The following MC1R variants were observed in gnomAD, a reference collection of about 807,000 sequenced individuals.
MC1R encodes the protein melanocyte-stimulating hormone receptor.
For missense variants in MC1R, 542 were observed against 430.0 expected, an observed-to-expected ratio of 1.26 and a Z score of -2.30; for synonymous variants, 263 against 203.8, an observed-to-expected ratio of 1.29 and a Z score of -2.47.
chr16:89,919,483 C>T lies in MC1R; in HGVS notation c.225C>T (p.Cys75=), dbSNP rs1437128850. 6.2e-7 allele frequency: 1 copy of T among 1,613,296 alleles called. No individual in the cohort carries two copies. Among genetic ancestry groups the T allele is most frequent in the Non-Finnish European group, 8.5e-7 (1 of 1,179,836 alleles). ...KNRNLHSPMY[C]FICCLALSDL... ...GGAACCTGCACTCACCCATGTACTG[C>T]TTCATCTGCTGCCTGGCCTTGTCGG... is the stretch of plus-strand genomic sequence containing the variant. The change falls in exon 1 of 1, where the codon TGC becomes TGT. Residue 75 remains cysteine, a synonymous_variant. Transcript: ENST00000555147.
rs1220956563 is a variant in MC1R, at chr16:89,918,937, A to C, written c.-322A>C. ...AGGCCAGGACGGTCCAGAGGTGTCG[A>C]AATGTCCTGGGGACCTGAGCAGCAG... is the stretch of plus-strand genomic sequence containing the variant. On this transcript the variant is annotated 5_prime_UTR_variant, in exon 1 of 1. Coordinates refer to ENST00000555147, the MANE Select transcript of MC1R (RefSeq NM_002386.4). 1 of 418,292 alleles carries C rather than the reference A, an allele frequency of 2.4e-6. No individual in the cohort carries two copies. Among genetic ancestry groups the C allele is most frequent in the East Asian group, 3.9e-5 (1 of 25,954 alleles). 25.9% of individuals were successfully genotyped at this position (418,292 alleles called of 1,614,324 possible).
rs1388511343 is a variant in MC1R, at chr16:89,920,726, C to G, written c.*514C>G. ...TTCATCCACAGCCTTGCAGCGGCTC[C>G]TGCAAAAGGAGGTGAAATCCCTGCC... On this transcript the variant is annotated 3_prime_UTR_variant, in exon 1 of 1. Transcript: ENST00000555147. 2.8e-6 allele frequency: 2 copies of G among 716,388 alleles called. No individual in the cohort carries two copies. Among genetic ancestry groups the G allele is most frequent in the Admixed American group, 4.0e-5 (2 of 49,782 alleles). The allele number at this position is 716,388 out of a possible 1,614,324, so 44.4% of individuals were successfully genotyped here. A position where few individuals can be genotyped will look rare whatever the true frequency, so the allele number is the denominator to read the frequency against.
In MC1R at chr16:89,918,952, C is replaced by G. The variant is rs2045684240; in HGVS notation, c.-307C>G. On this transcript the variant is annotated 5_prime_UTR_variant, in exon 1 of 1. Coordinates refer to ENST00000555147, the MANE Select transcript of MC1R (RefSeq NM_002386.4). The stretch of plus-strand genomic sequence containing the variant: ...AGAGGTGTCGAAATGTCCTGGGGAC[C>G]TGAGCAGCAGCCACCAGGGAAGAGG... 1 of 452,008 alleles carries G rather than the reference C, an allele frequency of 2.2e-6. No homozygotes were observed. Among genetic ancestry groups the G allele is most frequent in the Non-Finnish European group, 4.0e-6 (1 of 249,302 alleles). The allele number at this position is 452,008 out of a possible 1,614,324, so 28.0% of individuals were successfully genotyped here.
In MC1R at chr16:89,919,683, G is replaced by A. The variant is rs11547464; in HGVS notation, c.425G>A (p.Arg142His). 6.3e-3 allele frequency: 10,101 copies of A among 1,606,080 alleles called. 48 individuals are homozygous for A. Among genetic ancestry groups the A allele is most frequent in the Middle Eastern group, 0.013 (79 of 6,060 alleles). ...TTCCTGGGCGCCATCGCCGTGGACC[G>A]CTACATCTCCATCTTCTACGCACTG... ...LCFLGAIAVD[R>H]YISIFYALRY... is the part of the protein sequence containing the mutation. Residue 142 changes from arginine (R) to histidine (H), a missense_variant, in exon 1 of 1, where the codon CGC becomes CAC. By Grantham distance (29) the Arg-to-His change is conservative. Coordinates refer to ENST00000555147, the MANE Select transcript of MC1R (RefSeq NM_002386.4).
In MC1R at chr16:89,919,778, G is replaced by C. The variant is rs762183931; in HGVS notation, c.520G>C (p.Val174Leu). Reference sequence around the variant, plus strand: ...TGCGGCCATCTGGGTGGCCAGTGTCGTCTTCAGCACGCTCTTCATCGCCTA... The same window carrying C: ...TGCGGCCATCTGGGTGGCCAGTGTCCTCTTCAGCACGCTCTTCATCGCCTA... ...AVAAIWVASV[V>L]FSTLFIAYYD... Residue 174 changes from valine to leucine, a missense_variant, in exon 1 of 1, where the codon GTC becomes CTC. Coordinates refer to ENST00000555147, the MANE Select transcript of MC1R (RefSeq NM_002386.4). 3 of 1,608,486 alleles carry C rather than the reference G, an allele frequency of 1.9e-6. No homozygotes were observed. The South Asian group carries it at 3.3e-5, about 18-fold the overall frequency.
Position 89,920,405 on chromosome 16 carries a change from A to G in MC1R, c.*193A>G, listed in dbSNP as rs2045709951. 1.6e-6 allele frequency: 1 copy of G among 625,678 alleles called. No individual in the cohort carries two copies. The highest frequency in any genetic ancestry group is 2.9e-6 in the Non-Finnish European group (1 of 346,672). The allele number at this position is 625,678 out of a possible 1,614,324, so 38.8% of individuals were successfully genotyped here. ...CAGGGAGGGGTCCCTGCAAAACTCC[A>G]GGCAGGACTTCTCACCAGCAGTCGT... On this transcript the variant is annotated 3_prime_UTR_variant, in exon 1 of 1. Transcript: ENST00000555147.
chr16:89,919,250 G>A lies in MC1R; in HGVS notation c.-9G>A, dbSNP rs2045688077. ...TCCAACGACTCCTTCCTGCTTCCTG[G>A]ACAGGACTATGGCTGTGCAGGGATC... On this transcript the variant is annotated 5_prime_UTR_variant, in exon 1 of 1. Coordinates refer to ENST00000555147, the MANE Select transcript of MC1R (RefSeq NM_002386.4). The A allele has an allele frequency of 6.5e-7, 1 of 1,534,688 alleles. No homozygotes were observed. Among genetic ancestry groups the A allele is most frequent in the Non-Finnish European group, 8.8e-7 (1 of 1,134,970 alleles).
At position 89,919,437 on chromosome 16, in the gene MC1R, TG is replaced by T; in HGVS notation, c.181del (p.Ala61ProfsTer27). On this transcript the variant is annotated frameshift_variant, in exon 1 of 1. Coordinates refer to ENST00000555147, the MANE Select transcript of MC1R (RefSeq NM_002386.4). LOFTEE classifies it low-confidence loss of function (END_TRUNC). ...AGCTTGGTGGAGAACGCGCTGGTGG[TG>T]GCCACCATCGCCAAGAACCGGAACC... ...LVSLVENALV[V>X]ATIAKNRNLH... 1 of 1,613,246 alleles carries T rather than the reference TG, an allele frequency of 6.2e-7. No homozygotes were observed. Among genetic ancestry groups the T allele is most frequent in the Non-Finnish European group, 8.5e-7 (1 of 1,179,872 alleles).
chr16:89,919,149 A>C lies in MC1R; in HGVS notation c.-110A>C, dbSNP rs577907985. 539 of 736,680 alleles carry C rather than the reference A, an allele frequency of 7.3e-4. No individual in the cohort carries two copies. The highest frequency in any genetic ancestry group is 1.1e-3 in the Non-Finnish European group (492 of 451,792). The allele number at this position is 736,680 out of a possible 1,614,324, so 45.6% of individuals were successfully genotyped here. A position where few individuals can be genotyped will look rare whatever the true frequency, so the allele number is the denominator to read the frequency against. On this transcript the variant is annotated 5_prime_UTR_variant, in exon 1 of 1. Coordinates refer to ENST00000555147, the MANE Select transcript of MC1R (RefSeq NM_002386.4). ...AGATGGAAGGAGGCAGGCATGGGGG[A>C]CACCCAAGGCCCCCTGGCAGCACCA...
Position 89,919,115 on chromosome 16 carries a change from G to C in MC1R, c.-144G>C, listed in dbSNP as rs1382523483. The stretch of plus-strand genomic sequence containing the variant: ...GGGAGAGGGTGTGAGGGCAGATCTG[G>C]GGGTGCCCAGATGGAAGGAGGCAGG... On this transcript the variant is annotated 5_prime_UTR_variant, in exon 1 of 1. Transcript: ENST00000555147. 1.6e-6 allele frequency: 1 copy of C among 631,118 alleles called. No homozygotes were observed. Among genetic ancestry groups the C allele is most frequent in the African/African-American group, 1.8e-5 (1 of 54,270 alleles). 39.1% of individuals were successfully genotyped at this position (631,118 alleles called of 1,614,324 possible).
chr16:89,919,554 T>C lies in MC1R; in HGVS notation c.296T>C (p.Leu99Pro), dbSNP rs192276807. 2 of 1,612,376 alleles carry C rather than the reference T, an allele frequency of 1.2e-6. No individual in the cohort carries two copies. The highest frequency in any genetic ancestry group is 3.3e-5 in the Admixed American group (2 of 60,018). Residue 99 changes from leucine (L) to proline (P), a missense_variant, in exon 1 of 1, where the codon CTC becomes CCC. Coordinates refer to ENST00000555147, the MANE Select transcript of MC1R (RefSeq NM_002386.4). ...AACGTGCTGGAGACGGCCGTCATCC[T>C]CCTGCTGGAGGCCGGTGCACTGGTG... Reference protein sequence around the residue: ...GSNVLETAVILLLEAGALVAR... With the variant: ...GSNVLETAVIPLLEAGALVAR...
In MC1R at chr16:89,919,938, G is replaced by A. The variant is rs766152881; in HGVS notation, c.680G>A (p.Arg227Lys). Residue 227 changes from arginine to lysine, a missense_variant, in exon 1 of 1, where the codon AGG becomes AAG. Transcript: ENST00000555147. ...HAQGIARLHK[R>K]QRPVHQGFGL... ...CAGGGCATCGCCCGGCTCCACAAGA[G>A]GCAGCGCCCGGTCCACCAGGGCTTT... 1 of 1,611,084 alleles carries A rather than the reference G, an allele frequency of 6.2e-7. No homozygotes were observed. The highest frequency in any genetic ancestry group is 1.1e-5 in the South Asian group (1 of 91,084).
At position 89,920,547 on chromosome 16, in the gene MC1R, C is replaced by T. The variant is rs2045712058; in HGVS notation, c.*335C>T. The stretch of plus-strand genomic sequence containing the variant: ...CACTCCTGGGACACTCCGTCTGCTC[C>T]AATGACTGAGCAGCATCCACCCCAC... On this transcript the variant is annotated 3_prime_UTR_variant, in exon 1 of 1. Coordinates refer to ENST00000555147, the MANE Select transcript of MC1R (RefSeq NM_002386.4). 1.6e-6 allele frequency: 1 copy of T among 637,696 alleles called. No individual in the cohort carries two copies. The highest frequency in any genetic ancestry group is 2.9e-6 in the Non-Finnish European group (1 of 348,436). 39.5% of individuals were successfully genotyped at this position (637,696 alleles called of 1,614,324 possible).
chr16:89,919,311 C>G lies in MC1R; in HGVS notation c.53C>G (p.Pro18Arg). Residue 18 changes from proline (P) to arginine (R), a missense_variant, in exon 1 of 1, where the codon CCC becomes CGC. Pro to Arg is a moderately radical substitution (Grantham distance 103). Transcript: ENST00000555147. The stretch of plus-strand genomic sequence containing the variant: ...CTTCTGGGCTCCCTCAACTCCACCC[C>G]CACAGCCATCCCCCAGCTGGGGCTG... ...RRLLGSLNST[P>R]TAIPQLGLAA... The G allele has an allele frequency of 1.2e-6, 2 of 1,610,758 alleles. No homozygotes were observed. Among genetic ancestry groups the G allele is most frequent in the Non-Finnish European group, 1.7e-6 (2 of 1,178,802 alleles).
chr16:89,919,334 C>A lies in MC1R; in HGVS notation c.76C>A (p.Leu26Met), dbSNP rs777400906. The A allele has an allele frequency of 1.2e-6, 2 of 1,612,664 alleles. No individual in the cohort carries two copies. The highest frequency in any genetic ancestry group is 1.7e-6 in the Non-Finnish European group (2 of 1,179,630). ...CCCCACAGCCATCCCCCAGCTGGGG[C>A]TGGCTGCCAACCAGACAGGAGCCCG... ...STPTAIPQLG[L>M]AANQTGARCL... The change falls in exon 1 of 1, where the codon CTG becomes ATG. Residue 26 changes from leucine to methionine, a missense_variant. By Grantham distance (15) the Leu-to-Met change is conservative. Transcript: ENST00000555147.
In MC1R at chr16:89,919,405, G is replaced by A. The variant is rs749952512; in HGVS notation, c.147G>A (p.Gly49=). Residue 49 remains glycine, a synonymous_variant, in exon 1 of 1, where the codon GGG becomes GGA. Coordinates refer to ENST00000555147, the MANE Select transcript of MC1R (RefSeq NM_002386.4). ...SISDGLFLSL[G]LVSLVENALV... is the part of the protein sequence containing the mutation. ...CTGACGGGCTCTTCCTCAGCCTGGG[G>A]CTGGTGAGCTTGGTGGAGAACGCGC... is the stretch of plus-strand genomic sequence containing the variant. The A allele has an allele frequency of 1.9e-6, 3 of 1,613,330 alleles. No homozygotes were observed. The highest frequency in any genetic ancestry group is 1.7e-5 in the Admixed American group (1 of 60,022).
Position 89,919,000 on chromosome 16 carries a change from G to C in MC1R, c.-259G>C. On this transcript the variant is annotated 5_prime_UTR_variant, in exon 1 of 1. Coordinates refer to ENST00000555147, the MANE Select transcript of MC1R (RefSeq NM_002386.4). The stretch of plus-strand genomic sequence containing the variant: ...AGGCAGGGAGGGAGCTGAGGACCAG[G>C]CTTGGTTGTGAGAATCCCTGAGCCC... 1 of 532,594 alleles carries C rather than the reference G, an allele frequency of 1.9e-6. No individual in the cohort carries two copies. Among genetic ancestry groups the C allele is most frequent in the Non-Finnish European group, 3.4e-6 (1 of 298,162 alleles). The allele number at this position is 532,594 out of a possible 1,614,324, so 33.0% of individuals were successfully genotyped here.
At position 89,919,928 on chromosome 16, in the gene MC1R, C is replaced by G; in HGVS notation, c.670C>G (p.Leu224Val). ...CCAGCACGCCCAGGGCATCGCCCGG[C>G]TCCACAAGAGGCAGCGCCCGGTCCA... The part of the protein sequence containing the change: ...ACQHAQGIAR[L>V]HKRQRPVHQG... Residue 224 changes from leucine (L) to valine (V), a missense_variant, in exon 1 of 1, where the codon CTC (leucine) becomes GTC (valine). By Grantham distance (32) the Leu-to-Val change is conservative. Transcript: ENST00000555147. 2.5e-6 allele frequency: 4 copies of G among 1,610,430 alleles called. No individual in the cohort carries two copies. The highest frequency in any genetic ancestry group is 2.5e-6 in the Non-Finnish European group (3 of 1,179,838).
Position 89,918,896 on chromosome 16 carries a change from G to C in MC1R, c.-363G>C. The C allele has an allele frequency of 3.5e-6, 1 of 285,334 alleles. No individual in the cohort carries two copies. Among genetic ancestry groups the C allele is most frequent in the South Asian group, 1.2e-4 (1 of 8,246 alleles). The allele number at this position is 285,334 out of a possible 1,614,324, so 17.7% of individuals were successfully genotyped here. A position where few individuals can be genotyped will look rare whatever the true frequency, so the allele number is the denominator to read the frequency against. ...AGGACCTCAGCGCAGCCCTGGCCCA[G>C]GAAGGCAGGAGACAGAGGCCAGGAC... On this transcript the variant is annotated 5_prime_UTR_variant, in exon 1 of 1. Coordinates refer to ENST00000555147, the MANE Select transcript of MC1R (RefSeq NM_002386.4).
Sources: allele counts gnomAD v4.1 joint callset, GRCh38; gene constraint gnomAD v4.1.1; transcripts MANE v1.5; gene names NCBI Gene and HGNC (gene_info 2026-07-23, HGNC 2026-07-21).